The following MAP4K3 variants were observed in gnomAD, a reference collection of about 807,000 sequenced individuals.
MAP4K3 encodes the protein MAPK/ERK kinase kinase kinase 3.
In MAP4K3, 94 loss-of-function variants were observed where a neutral mutation model predicts 143.5. That is an observed-to-expected ratio of 0.65 (90% CI 0.55 to 0.78). The LOEUF (loss-of-function observed/expected upper bound fraction) is 0.78. MAP4K3 is among the 30% of genes least tolerant of loss of function. The pLI, the probability that MAP4K3 is intolerant of heterozygous loss-of-function variation, is 0.00. For synonymous variants in MAP4K3, 416 were observed against 347.2 expected (o/e 1.20, Z -2.20); for missense variants, 1,077 against 1,068.1 (o/e 1.01, Z -0.12).
intron 33 of MAP4K3, 98 bp downstream of exon 33, chr2:39,251,732 T>A: frequency 1.0e-6 from 1 of 971,286 alleles, no homozygotes; most frequent in Admixed American, 2.2e-5. Context: ...GTTGAACATA[T>A]TGCAGACATT....
In MAP4K3 at chr2:39,354,376, G is replaced by C. The variant is rs770939442; in HGVS notation, c.245+1873C>G. Among the ~76,000 whole-genome samples, 263 of 152,170 alleles carry C rather than the reference G, an allele frequency of 1.7e-3. 1 individual carries two copies. The highest frequency in any genetic ancestry group is 3.1e-3 in the Non-Finnish European group (212 of 68,030). On this transcript the variant is annotated intron_variant, in intron 3 of 33. Coordinates refer to ENST00000263881, the MANE Select transcript of MAP4K3 (RefSeq NM_003618.4). ...GAGAATGGCTTGAACCCGGGAGGTG[G>C]AGCTTGCAGTGAGCTGAGATCGCGC...
intron 1 of MAP4K3, among the ~76,000 whole-genome samples, chr2:39,417,006 T>G (rs1472907880): frequency 6.6e-6 from 1 of 152,194 alleles, no homozygotes; most frequent in Non-Finnish European, 1.5e-5. Flanking sequence ...TTCTTACATG[T>G]AAAAGTTCAC....
chr2:39,263,738 T>C (rs1012042965), intron 28 of MAP4K3, among the ~76,000 whole-genome samples: 10 of 152,158 alleles, frequency 6.6e-5, no homozygotes, highest in Admixed American at 4.6e-4. Flanking sequence ...AGGTTCACTA[T>C]CTCAGAATGC....
In MAP4K3 at chr2:39,311,211, G is replaced by C. The variant is rs542529169; in HGVS notation, c.998-1692C>G. Among the ~76,000 whole-genome samples the C allele has an allele frequency of 2.4e-4, 36 of 152,210 alleles. No homozygotes were observed. In the South Asian group the frequency reaches 6.4e-3, roughly 27 times the overall value. ...TCGTGCCTCGACCTCCTGAGTAGCT[G>C]GGCCTACAGGTGCGCGCCACTATAC... On this transcript the variant is annotated intron_variant, in intron 13 of 33. Transcript: ENST00000263881.
At chr2:39,358,945 G>C (rs1034636877) in intron 2 of MAP4K3, among the ~76,000 whole-genome samples, 1 of 151,978 alleles carries the variant, frequency 6.6e-6, no homozygotes. Flanking sequence ...TTCCACTCCT[G>C]GCCCCTCCCA....
intron 1 of MAP4K3, among the ~76,000 whole-genome samples, chr2:39,435,101 T>C (rs761141086): frequency 1.1e-4 from 16 of 152,196 alleles, no homozygotes; most frequent in African/African-American, 3.9e-4. Flanking sequence ...CATCGCAATA[T>C]AAGCGAACTC....
Position 39,286,541 on chromosome 2 carries a change from G to T in MAP4K3, c.1587+311C>A, listed in dbSNP as rs544442334. On this transcript the variant is annotated intron_variant, in intron 21 of 33. Transcript: ENST00000263881. The stretch of plus-strand genomic sequence containing the variant: ...ATTATCCTCAATGAGAATAATAATA[G>T]TTATTTTGTGAATAATCACAAGAAT... 1.8e-4 allele frequency among the ~76,000 whole-genome samples: 28 copies of T among 152,278 alleles called. No homozygotes were observed. In the East Asian group the frequency reaches 3.9e-3, roughly 21 times the overall value.
intron 19 of MAP4K3, among the ~76,000 whole-genome samples, chr2:39,289,882 T>G: frequency 6.6e-6 from 1 of 152,140 alleles, no homozygotes; most frequent in East Asian, 1.9e-4. Context: ...GTCAGGAGTT[T>G]GAGCCAAGCC....
chr2:39,383,158 A>T (rs926250045), intron 1 of MAP4K3, among the ~76,000 whole-genome samples: 1 of 152,190 alleles, frequency 6.6e-6, no homozygotes, highest in Admixed American at 6.5e-5. Flanking sequence ...GTTTGTTCTC[A>T]TGCTGCTTTA....
rs1477980011 is a variant in MAP4K3 at position 39,351,183 on chromosome 2, C to CTTT, written c.245+5065_245+5066insAAA. Among the ~76,000 whole-genome samples the CTTT allele has an allele frequency of 2.6e-5, 4 of 152,254 alleles. No homozygotes were observed. In the East Asian group the frequency reaches 7.7e-4, roughly 29 times the overall value. ...GCACATACTGAGAAGTAACTATGTA[C>CTTT]CCCCTTTTCCCTCTCAGGCTCTAAT... On this transcript the variant is annotated intron_variant, in intron 3 of 33. Coordinates refer to ENST00000263881, the MANE Select transcript of MAP4K3 (RefSeq NM_003618.4).
chr2:39,258,337 C>T lies in MAP4K3; in HGVS notation c.2470+11G>A. 2 of 1,545,018 alleles carry T rather than the reference C, an allele frequency of 1.3e-6. No individual in the cohort carries two copies. Among genetic ancestry groups the T allele is most frequent in the Non-Finnish European group, 1.8e-6 (2 of 1,130,800 alleles). The stretch of plus-strand genomic sequence containing the variant: ...GTTCATAATGCAAAGAATTATAAAA[C>T]TTTGACTTACCTATTGATTCAATCT... On this transcript the variant is annotated intron_variant, in intron 31 of 33. Transcript: ENST00000263881.
At chr2:39,345,989 C>T (rs1665280210) in intron 3 of MAP4K3, among the ~76,000 whole-genome samples, 1 of 147,794 alleles carries the variant, frequency 6.8e-6, no homozygotes. Context: ...CCAGGATCTG[C>T]AATTCATAGG....
At chr2:39,373,400 T>C (rs1666133655) in intron 2 of MAP4K3, among the ~76,000 whole-genome samples, 1 of 152,020 alleles carries the variant, frequency 6.6e-6, no homozygotes, top group South Asian at 2.1e-4. Flanking sequence ...AAACTAAAAA[T>C]AGAACTACCA....
At position 39,250,597 on chromosome 2, in the gene MAP4K3, A is replaced by ACTGT. The variant is rs1319388828; in HGVS notation, c.*17_*20dup. The ACTGT allele has an allele frequency of 6.2e-7, 1 of 1,606,146 alleles. No homozygotes were observed. The highest frequency in any genetic ancestry group is 8.5e-7 in the Non-Finnish European group (1 of 1,173,392). On this transcript the variant is annotated 3_prime_UTR_variant, in exon 34 of 34. Coordinates refer to ENST00000263881, the MANE Select transcript of MAP4K3 (RefSeq NM_003618.4). The stretch of plus-strand genomic sequence containing the variant: ...GTAGTGTTCTTTCTTTCTAGAGTTA[A>ACTGT]CTGTCAAAGCACAACAATTCTCAGT...
intron 32 of MAP4K3, among the ~76,000 whole-genome samples, 179 bp from the exon 33 acceptor site, chr2:39,252,064 T>C (rs76272178): frequency 0.024 from 3,721 of 152,324 alleles, 170 homozygotes; most frequent in African/African-American, 0.084. Flanking sequence ...AGGGGAAATG[T>C]GGTTAATTTT....
chr2:39,371,655 T>C (rs969244833), intron 2 of MAP4K3, among the ~76,000 whole-genome samples: 2 of 151,728 alleles, frequency 1.3e-5, no homozygotes, highest in African/African-American at 2.4e-5. Flanking sequence ...ATTTCACCTA[T>C]GAAGATACAC....
intron 26 of MAP4K3, among the ~76,000 whole-genome samples, chr2:39,270,572 G>C (rs1680974018): frequency 6.6e-6 from 1 of 152,170 alleles, no homozygotes; most frequent in Admixed American, 6.5e-5. Flanking sequence ...TGAGTATATA[G>C]GTTCCAGTTA....
At chr2:39,403,389 G>C (rs746589706) in intron 1 of MAP4K3, among the ~76,000 whole-genome samples, 1 of 152,186 alleles carries the variant, frequency 6.6e-6, no homozygotes, top group African/African-American at 2.4e-5. Flanking sequence ...AGGCACTGAA[G>C]GAAAGGCAAT....
chr2:39,386,275 G>C (rs1666502865), intron 1 of MAP4K3, among the ~76,000 whole-genome samples: 1 of 152,158 alleles, frequency 6.6e-6, no homozygotes, highest in Non-Finnish European at 1.5e-5. Context: ...AACCCTGCTG[G>C]CACCTTAACT....
Sources: allele counts gnomAD v4.1 joint callset (sites outside exome capture counted in the v4.1 genomes callset), GRCh38; gene constraint gnomAD v4.1.1; transcripts MANE v1.5; gene names NCBI Gene and HGNC (gene_info 2026-07-23, HGNC 2026-07-21).